The following RTRAF variants were observed in gnomAD, a reference collection of about 807,000 sequenced individuals.
RTRAF encodes the protein RNA transcription, translation and transport factor.
RTRAF carries 14 observed loss-of-function variants against 34.4 expected under a neutral mutation model. The observed-to-expected ratio is 0.41, with a 90% CI of 0.27 to 0.64. RTRAF has a LOEUF of 0.64. Among genes scored for constraint, RTRAF ranks in the 30% least tolerant of loss-of-function variants. RTRAF has a pLI of 0.34. For synonymous variants in RTRAF, 96 were observed against 95.3 expected, an observed-to-expected ratio of 1.01 and a Z score of -0.04; for missense variants, 291 against 288.4, an observed-to-expected ratio of 1.01 and a Z score of -0.06.
At chr14:52,000,076 CTG>C (rs1402577572) in intron 5 of RTRAF, among the ~76,000 whole-genome samples, 9 of 152,006 alleles carry the variant, frequency 5.9e-5, no homozygotes, top group Non-Finnish European at 1.0e-4. Context: ...TATGAAGAAA[CTG>C]AGACTCAATG....
At position 52,006,583 on chromosome 14, in the gene RTRAF, T is replaced by C. The variant is rs761372238; in HGVS notation, c.*2067T>C. The C allele has an allele frequency of 1.9e-6, 3 of 1,613,912 alleles. No individual in the cohort carries two copies. The highest frequency in any genetic ancestry group is 2.5e-6 in the Non-Finnish European group (3 of 1,179,806). On this transcript the variant is annotated 3_prime_UTR_variant, in exon 8 of 8. Coordinates refer to ENST00000261700, the MANE Select transcript of RTRAF (RefSeq NM_016039.3). The stretch of plus-strand genomic sequence containing the variant: ...AAGTGATCTGCATAGCTTACGATGC[T>C]GAAGGGGTACTTGAGGTTGTTTTGA...
At chr14:51,993,492 C>T (rs1031502311) in intron 2 of RTRAF, among the ~76,000 whole-genome samples, 1 of 152,158 alleles carries the variant, frequency 6.6e-6, no homozygotes, top group Non-Finnish European at 1.5e-5. Flanking sequence ...CTCTAGGCCT[C>T]AGCTTTCTCA....
At chr14:52,003,845 C>CA (rs1555361063) in intron 6 of RTRAF, among the ~76,000 whole-genome samples, 1 of 152,088 alleles carries the variant, frequency 6.6e-6, no homozygotes, top group Non-Finnish European at 1.5e-5. Flanking sequence ...TTACTGTCGC[C>CA]AAAATAAGAC....
In RTRAF at chr14:51,989,621, A is replaced by C; in HGVS notation, c.-19A>C. On this transcript the variant is annotated 5_prime_UTR_variant, in exon 1 of 8. Coordinates refer to ENST00000261700, the MANE Select transcript of RTRAF (RefSeq NM_016039.3). ...TCTCCCGGCCGAGGCCCGGGGGACC[A>C]GAGCGAGAAGCGGGGACCATGTTCC... The C allele has an allele frequency of 6.3e-7, 1 of 1,596,368 alleles. No individual in the cohort carries two copies. Among genetic ancestry groups the C allele is most frequent in the Non-Finnish European group, 8.5e-7 (1 of 1,172,070 alleles).
rs369047326 is a variant in RTRAF, at chr14:51,993,198, A to G, written c.187-525A>G. Among the ~76,000 whole-genome samples, 4 of 152,248 alleles carry G rather than the reference A, an allele frequency of 2.6e-5. No individual in the cohort carries two copies. The East Asian group carries it at 7.7e-4, about 29-fold the overall frequency. ...TTATAATCTTATATTACATATAATT[A>G]ATGTTACATATAATACTATTATATG... is the stretch of plus-strand genomic sequence containing the variant. On this transcript the variant is annotated intron_variant, in intron 2 of 7. Coordinates refer to ENST00000261700, the MANE Select transcript of RTRAF (RefSeq NM_016039.3).
chr14:51,991,204 T>G, intron 1 of RTRAF, 113 bp from the exon 2 acceptor site: 1 of 1,080,924 alleles, frequency 9.3e-7, no homozygotes, highest in Non-Finnish European at 1.3e-6. Context: ...TTCAATTAAT[T>G]TAGTATTTTG....
intron 3 of RTRAF, among the ~76,000 whole-genome samples, chr14:51,997,131 C>G (rs1275177940): frequency 6.6e-6 from 1 of 151,972 alleles, no homozygotes; most frequent in Non-Finnish European, 1.5e-5. Context: ...TGTAAAGTTA[C>G]TATTTTCCTC....
In RTRAF at chr14:52,004,594, T is replaced by C. The variant is rs1890681203; in HGVS notation, c.*78T>C. 9.2e-6 allele frequency: 13 copies of C among 1,405,418 alleles called. No homozygotes were observed. The highest frequency in any genetic ancestry group is 1.2e-5 in the Non-Finnish European group (13 of 1,045,364). 87.1% of individuals were successfully genotyped at this position (1,405,418 alleles called of 1,614,324 possible). On this transcript the variant is annotated 3_prime_UTR_variant, in exon 8 of 8. Transcript: ENST00000261700. ...CTTCTGGCATGTTTGGAAATCAAAA[T>C]GTCACATTCTCGGGGGAGGAAGCCC...
chr14:51,995,065 C>A (rs1890497833), intron 3 of RTRAF, among the ~76,000 whole-genome samples: 1 of 152,036 alleles, frequency 6.6e-6, no homozygotes, highest in Non-Finnish European at 1.5e-5. Context: ...TAACCACTTT[C>A]CATTTTGCTT....
At position 52,004,441 on chromosome 14, in the gene RTRAF, C is replaced by G; in HGVS notation, c.660C>G (p.Asn220Lys). The change falls in exon 8 of 8, where the codon AAC becomes AAG. Residue 220 changes from asparagine (N) to lysine (K), a missense_variant. Transcript: ENST00000261700. ...EELRELQTKI[N>K]EAIVAVQAII... The stretch of plus-strand genomic sequence containing the variant: ...TCAGAGAGCTACAGACAAAAATCAA[C>G]GAAGCCATAGTAGCTGTTCAGGCAA... The G allele has an allele frequency of 2.5e-6, 4 of 1,613,932 alleles. No individual in the cohort carries two copies. Among genetic ancestry groups the G allele is most frequent in the Non-Finnish European group, 3.4e-6 (4 of 1,179,882 alleles).
At position 52,009,073 on chromosome 14, in the gene RTRAF, C is replaced by T. The variant is rs1312548146; in HGVS notation, c.*4557C>T. On this transcript the variant is annotated 3_prime_UTR_variant, in exon 8 of 8. Coordinates refer to ENST00000261700, the MANE Select transcript of RTRAF (RefSeq NM_016039.3). ...AAAGCTATAGAAGCTTTGAATAAAT[C>T]AGTTGGGCTACAGAGAACCTCAGTG... is the stretch of plus-strand genomic sequence containing the variant. 1.3e-5 allele frequency: 2 copies of T among 152,148 alleles called. No homozygotes were observed. The highest frequency in any genetic ancestry group is 2.9e-5 in the Non-Finnish European group (2 of 68,034). The allele number at this position is 152,148 out of a possible 1,614,324, so 9.4% of individuals were successfully genotyped here.
rs1445843009 is a variant in RTRAF at position 52,009,563 on chromosome 14, C to G, written c.*5047C>G. 6.6e-6 allele frequency: 1 copy of G among 152,098 alleles called. No individual in the cohort carries two copies. Among genetic ancestry groups the G allele is most frequent in the East Asian group, 1.9e-4 (1 of 5,190 alleles). 9.4% of individuals were successfully genotyped at this position (152,098 alleles called of 1,614,324 possible). A position where few individuals can be genotyped will look rare whatever the true frequency, so the allele number is the denominator to read the frequency against. On this transcript the variant is annotated 3_prime_UTR_variant, in exon 8 of 8. Transcript: ENST00000261700. The stretch of plus-strand genomic sequence containing the variant: ...TATTTGCTGTCTGGATAAGAAAGTT[C>G]TACTTTCATATTTAAACTCATGGCT...
chr14:52,001,836 T>C lies in RTRAF; in HGVS notation c.501T>C (p.Asp167=), dbSNP rs866657230. Residue 167 remains aspartate (D), a synonymous_variant, in exon 6 of 8, where the codon GAT becomes GAC. Coordinates refer to ENST00000261700, the MANE Select transcript of RTRAF (RefSeq NM_016039.3). ...RILVQERLTQ[D]AVAKANQTKE... Reference sequence around the variant, plus strand: ...TGGTTCAGGAGCGCCTGACACAGGATGCAGTTGCTAAGGCAAATCAAACAA... The same window carrying C: ...TGGTTCAGGAGCGCCTGACACAGGACGCAGTTGCTAAGGCAAATCAAACAA... The C allele has an allele frequency of 6.2e-7, 1 of 1,609,942 alleles. No homozygotes were observed. Among genetic ancestry groups the C allele is most frequent in the Middle Eastern group, 1.7e-4 (1 of 6,050 alleles).
In RTRAF at chr14:52,006,781, A is replaced by ATAGAT. The variant is rs1890802279; in HGVS notation, c.*2269_*2273dup. On this transcript the variant is annotated 3_prime_UTR_variant, in exon 8 of 8. Transcript: ENST00000261700. ...AGGATATTTTACTTCCATTACAGTC[A>ATAGAT]TAGATTAGCAACTGTAAAATTACCT... 1.9e-6 allele frequency: 2 copies of ATAGAT among 1,059,170 alleles called. No individual in the cohort carries two copies. Among genetic ancestry groups the ATAGAT allele is most frequent in the African/African-American group, 1.6e-5 (1 of 63,012 alleles). 65.6% of individuals were successfully genotyped at this position (1,059,170 alleles called of 1,614,324 possible).
At position 52,007,716 on chromosome 14, in the gene RTRAF, T is replaced by TAA. The variant is rs966871628; in HGVS notation, c.*3201_*3202dup. 4.5e-5 allele frequency: 50 copies of TAA among 1,116,516 alleles called. No individual in the cohort carries two copies. In the African/African-American group the frequency reaches 7.4e-4, roughly 16 times the overall value. The allele number at this position is 1,116,516 out of a possible 1,614,324, so 69.2% of individuals were successfully genotyped here. A position where few individuals can be genotyped will look rare whatever the true frequency, so the allele number is the denominator to read the frequency against. On this transcript the variant is annotated 3_prime_UTR_variant, in exon 8 of 8. Coordinates refer to ENST00000261700, the MANE Select transcript of RTRAF (RefSeq NM_016039.3). ...GTTTACAGACCAAAGAAAGGAGATC[T>TAA]AAGTGATGGGATTTCATTTTGTAGT...
At chr14:51,995,470 G>A (rs547441079) in intron 3 of RTRAF, among the ~76,000 whole-genome samples, 55 of 151,978 alleles carry the variant, frequency 3.6e-4, no homozygotes, top group Non-Finnish European at 5.0e-4. Context: ...GATAATCCAG[G>A]ATAATCCCCT....
rs777860506 is a variant in RTRAF, at chr14:52,005,152, T to C, written c.*636T>C. The C allele has an allele frequency of 4.7e-6, 1 of 211,714 alleles. No homozygotes were observed. The highest frequency in any genetic ancestry group is 9.3e-6 in the Non-Finnish European group (1 of 107,274). The allele number at this position is 211,714 out of a possible 1,614,324, so 13.1% of individuals were successfully genotyped here. On this transcript the variant is annotated 3_prime_UTR_variant, in exon 8 of 8. Transcript: ENST00000261700. Reference sequence around the variant, plus strand: ...GAAGGAATCCATGGCAAAAATCAGGTTTAGAGTCTTAAACTCTAATTCTTA... The same window carrying C: ...GAAGGAATCCATGGCAAAAATCAGGCTTAGAGTCTTAAACTCTAATTCTTA...
At chr14:51,995,088 C>T (rs1335426842) in intron 3 of RTRAF, among the ~76,000 whole-genome samples, 1 of 152,032 alleles carries the variant, frequency 6.6e-6, no homozygotes, top group Non-Finnish European at 1.5e-5. Context: ...ATGTCTTATT[C>T]GTCCCAGTAA....
In RTRAF at chr14:51,991,355, G is replaced by T; in HGVS notation, c.100G>T (p.Asp34Tyr). ...EFRNFIVWLE[D>Y]QKIRHYKIED... Reference sequence around the variant, plus strand: ...TAGAAACTTCATCGTTTGGCTTGAAGACCAGAAAATCAGGCACTACAAGAT... The same window carrying T: ...TAGAAACTTCATCGTTTGGCTTGAATACCAGAAAATCAGGCACTACAAGAT... The change falls in exon 2 of 8, where the codon GAC becomes TAC. Residue 34 changes from aspartate (D) to tyrosine (Y), a missense_variant. Physicochemically the swap from Asp to Tyr is radical, Grantham distance 160. Transcript: ENST00000261700. 6.2e-7 allele frequency: 1 copy of T among 1,613,600 alleles called. No individual in the cohort carries two copies. Among genetic ancestry groups the T allele is most frequent in the South Asian group, 1.1e-5 (1 of 91,032 alleles).
Sources: gnomAD v4.1 joint callset for allele counts (sites outside exome capture counted in the v4.1 genomes callset) on GRCh38, gnomAD v4.1.1 for gene constraint, MANE v1.5 for transcripts, NCBI Gene and HGNC (gene_info 2026-07-23, HGNC 2026-07-21) for gene names.